Variants in IL23R observed in about 807,000 individuals in gnomAD.
IL23R encodes the protein interleukin-23 receptor.
Under a neutral mutation model 56.9 loss-of-function variants are expected in IL23R, and 34 were observed. The observed-to-expected ratio is 0.60, with a 90% CI of 0.45 to 0.80. The LOEUF (loss-of-function observed/expected upper bound fraction) is 0.80. Among genes scored for constraint, IL23R ranks in the 30% least tolerant of loss-of-function variants. The pLI, the probability that IL23R is intolerant of heterozygous loss-of-function variation, is 0.00. For missense variants in IL23R, 635 were observed against 730.0 expected (o/e 0.87, Z 1.50); for synonymous variants, 230 against 249.2 (o/e 0.92, Z 0.73).
At chr1:67,148,249 G>A (rs11209004) in intron 1 of IL23R, among the ~76,000 whole-genome samples, 42,915 of 152,220 alleles carry the variant, frequency 0.28, 6,500 homozygotes, top group Admixed American at 0.41. Flanking sequence ...AGTAGTGGAC[G>A]GCGAGCGAAA....
At chr1:67,212,503 G>C (rs1649543599) in intron 6 of IL23R, among the ~76,000 whole-genome samples, 1 of 151,876 alleles carries the variant, frequency 6.6e-6, no homozygotes, top group African/African-American at 2.4e-5. Context: ...ACAGGCTCTA[G>C]AGTTCAAAGC....
At chr1:67,242,307 A>C (rs1465986123) in intron 9 of IL23R, among the ~76,000 whole-genome samples, 1 of 152,202 alleles carries the variant, frequency 6.6e-6, no homozygotes, top group Non-Finnish European at 1.5e-5. Flanking sequence ...TCTTTTATCC[A>C]TCAAAGTATA....
intron 8 of IL23R, among the ~76,000 whole-genome samples, 170 bp downstream of exon 8, chr1:67,236,972 T>C (rs1379089628): frequency 4.6e-5 from 7 of 152,234 alleles, no homozygotes; most frequent in Admixed American, 1.3e-4. Flanking sequence ...TAAAACTGAA[T>C]GTAAGAAGTG....
chr1:67,230,189 C>G (rs373929610), intron 7 of IL23R, among the ~76,000 whole-genome samples: 3 of 152,210 alleles, frequency 2.0e-5, no homozygotes, highest in South Asian at 2.1e-4. Context: ...CTATGTCAAC[C>G]CTTCAACATT....
intron 8 of IL23R, among the ~76,000 whole-genome samples, chr1:67,237,030 T>A (rs1015296546): frequency 4.6e-5 from 7 of 152,202 alleles, no homozygotes; most frequent in South Asian, 2.1e-4. Context: ...ATACATTTTT[T>A]AAAATTTTTA....
intron 7 of IL23R, 83 bp downstream of exon 7, chr1:67,219,813 T>A (rs1650124774): frequency 2.2e-6 from 3 of 1,364,972 alleles, no homozygotes. Flanking sequence ...CACCTATAAT[T>A]CCAGCACTTT....
intron 5 of IL23R, among the ~76,000 whole-genome samples, chr1:67,206,254 T>C (rs533059569): frequency 1.3e-5 from 2 of 152,170 alleles, no homozygotes; most frequent in East Asian, 1.9e-4. Context: ...CCTTAAGTGA[T>C]CTGCCCACCT....
At chr1:67,169,117 G>A (rs535966306) in intron 2 of IL23R, among the ~76,000 whole-genome samples, 9 of 142,522 alleles carry the variant, frequency 6.3e-5, no homozygotes, top group Non-Finnish European at 9.0e-5. Context: ...CTGCAGCCTG[G>A]GTGACAGAAT....
At chr1:67,243,464 C>A (rs1558262025) in intron 9 of IL23R, among the ~76,000 whole-genome samples, 1 of 152,030 alleles carries the variant, frequency 6.6e-6, no homozygotes, top group Non-Finnish European at 1.5e-5. Flanking sequence ...CCCCCAGCCT[C>A]CTACCCCTTG....
intron 7 of IL23R, among the ~76,000 whole-genome samples, chr1:67,233,301 A>G (rs539344957): frequency 1.3e-5 from 2 of 151,926 alleles, no homozygotes; most frequent in Admixed American, 1.3e-4. Context: ...AGGAGGCAGA[A>G]GTTGCAGTGA....
chr1:67,205,140 T>G (rs1364766534), intron 5 of IL23R, among the ~76,000 whole-genome samples: 1 of 152,166 alleles, frequency 6.6e-6, no homozygotes, highest in African/African-American at 2.4e-5. Context: ...GCTATGGAAT[T>G]CAGATGATAA....
intron 1 of IL23R, among the ~76,000 whole-genome samples, chr1:67,157,159 G>T (rs1029370766): frequency 9.2e-5 from 14 of 152,080 alleles, no homozygotes; most frequent in Non-Finnish European, 1.6e-4. Flanking sequence ...AGATGAACTG[G>T]GTACCTCAGT....
At chr1:67,179,455 G>A (rs1647058403) in intron 3 of IL23R, among the ~76,000 whole-genome samples, 1 of 152,052 alleles carries the variant, frequency 6.6e-6, no homozygotes, top group African/African-American at 2.4e-5. Context: ...TGTGGGATCG[G>A]TGGTGATATC....
At position 67,151,117 on chromosome 1, in the gene IL23R, T is replaced by C. The variant is rs556124626; in HGVS notation, c.-634+11956T>C. On this transcript the variant is annotated intron_variant, in intron 1 of 10. Transcript: ENST00000637002. Reference sequence around the variant, plus strand: ...TTCTCCGCAGCCTCACCAGCATCTATTGTTTCTTGACTTTTTAATGATCAC... The same window carrying C: ...TTCTCCGCAGCCTCACCAGCATCTACTGTTTCTTGACTTTTTAATGATCAC... Among the ~76,000 whole-genome samples the C allele has an allele frequency of 2.7e-3, 410 of 152,314 alleles. 2 individuals are homozygous for C. The highest frequency in any genetic ancestry group is 9.4e-3 in the African/African-American group (391 of 41,564).
At chr1:67,146,643 C>G (rs957324444) in intron 1 of IL23R, among the ~76,000 whole-genome samples, 1 of 152,160 alleles carries the variant, frequency 6.6e-6, no homozygotes, top group African/African-American at 2.4e-5. Context: ...GCATTCTCTT[C>G]CCTTGGATTC....
At chr1:67,216,338 T>TATG (rs1649831897) in intron 6 of IL23R, among the ~76,000 whole-genome samples, 1 of 151,858 alleles carries the variant, frequency 6.6e-6, no homozygotes, top group Admixed American at 6.6e-5. Flanking sequence ...TAGCTATTAC[T>TATG]ATTATTATTA....
rs955651786 is a variant in IL23R, at chr1:67,217,202, T to C, written c.799-2372T>C. Among the ~76,000 whole-genome samples the C allele has an allele frequency of 2.0e-5, 3 of 152,300 alleles. No homozygotes were observed. In the East Asian group the frequency reaches 5.8e-4, roughly 29 times the overall value. On this transcript the variant is annotated intron_variant, in intron 6 of 10. Coordinates refer to ENST00000347310, the MANE Select transcript of IL23R (RefSeq NM_144701.3). ...TTTCAATGACCCCTAACCTTCAGAG[T>C]TGAGGCTCTAAGTAGAAATGGACTT...
intron 4 of IL23R, among the ~76,000 whole-genome samples, chr1:67,198,752 C>T (rs1648372415): frequency 6.6e-6 from 1 of 152,146 alleles, no homozygotes; most frequent in South Asian, 2.1e-4. Flanking sequence ...GGAGACTAGC[C>T]TGGGTATCAT....
chr1:67,258,571 C>T lies in IL23R; in HGVS notation c.1333C>T (p.His445Tyr), dbSNP rs758014823. Residue 445 changes from histidine to tyrosine, a missense_variant, in exon 11 of 11, where the codon CAC becomes TAC. By Grantham distance (83) the His-to-Tyr change is moderately conservative. Coordinates refer to ENST00000347310, the MANE Select transcript of IL23R (RefSeq NM_144701.3). ...TEIKEIFIPE[H>Y]KPTDYKKENT... ...GATAAAAGAAATCTTCATCCCAGAA[C>T]ACAAGCCTACAGACTACAAGAAGGA... 1 of 1,612,148 alleles carries T rather than the reference C, an allele frequency of 6.2e-7. No homozygotes were observed.
Sources: gnomAD v4.1 joint callset for allele counts (sites outside exome capture counted in the v4.1 genomes callset) on GRCh38, gnomAD v4.1.1 for gene constraint, MANE v1.5 for transcripts, NCBI Gene and HGNC (gene_info 2026-07-23, HGNC 2026-07-21) for gene names.